SAAL1: variants seen among roughly 807,000 people sequenced by gnomAD.
SAAL1 encodes protein SAAL1.
Under a neutral mutation model 59.8 loss-of-function variants are expected in SAAL1, and 42 were observed. The observed-to-expected ratio is 0.70, with a 90% CI of 0.55 to 0.91. SAAL1 has a LOEUF of 0.91. SAAL1 is among the 40% of genes least tolerant of loss of function. The pLI is 0.00. For synonymous variants in SAAL1, 191 were observed against 194.3 expected (o/e 0.98, Z 0.14); for missense variants, 542 against 561.1 (o/e 0.97, Z 0.34).
At chr11:18,082,356 AAAGT>A (rs535726125) in intron 10 of SAAL1, among the ~76,000 whole-genome samples, 201 of 152,340 alleles carry the variant, frequency 1.3e-3, no homozygotes, top group Non-Finnish European at 2.6e-3. Flanking sequence ...AATGCAAATC[AAAGT>A]AAGACACAAT....
chr11:18,087,360 C>T lies in SAAL1; in HGVS notation c.771-135G>A, dbSNP rs570795190. On this transcript the variant is annotated intron_variant, in intron 7 of 11. Coordinates refer to ENST00000524803, the MANE Select transcript of SAAL1 (RefSeq NM_138421.3). ...GCTGAGGATAAAACAAGGAAAGGAACGAAGTCTCTGTGTTCGTTAGAGCTT... is the reference window on the plus strand; with the variant it reads ...GCTGAGGATAAAACAAGGAAAGGAATGAAGTCTCTGTGTTCGTTAGAGCTT... 4.5e-5 allele frequency: 26 copies of T among 575,390 alleles called. No individual in the cohort carries two copies. In the East Asian group the frequency reaches 4.5e-4, roughly 10 times the overall value. The allele number at this position is 575,390 out of a possible 1,614,324, so 35.6% of individuals were successfully genotyped here.
In SAAL1 at chr11:18,103,338, G is replaced by A. The variant is rs373896935; in HGVS notation, c.144C>T (p.Ser48=). The change falls in exon 2 of 12, where the codon AGC becomes AGT. Residue 48 remains serine (S), a synonymous_variant. Transcript: ENST00000524803. ...GVLSGLIQIV[S]PENTKSSSDD... is the part of the protein sequence containing the mutation. ...CTGAGCTAGATTTGGTGTTTTCAGGGCTAACAATCTTCAGAAACACAAAGA... is the reference window on the plus strand; with the variant it reads ...CTGAGCTAGATTTGGTGTTTTCAGGACTAACAATCTTCAGAAACACAAAGA... 3.7e-6 allele frequency: 6 copies of A among 1,610,838 alleles called. No homozygotes were observed. The African/African-American group carries it at 8.0e-5, about 22-fold the overall frequency.
Position 18,103,290 on chromosome 11 carries a change from C to CTCCG in SAAL1, c.188_191dup (p.Glu64AspfsTer4). ...TTTCATTCTCCATTTCTTCATCAAG[C>CTCCG]TCCGTCAGCTGCTCCTCATCATCTG... is the stretch of plus-strand genomic sequence containing the variant. On this transcript the variant is annotated frameshift_variant, in exon 2 of 12. Transcript: ENST00000524803. LOFTEE classifies it high-confidence loss of function. 6.2e-7 allele frequency: 1 copy of CTCCG among 1,614,010 alleles called. No homozygotes were observed. The highest frequency in any genetic ancestry group is 8.5e-7 in the Non-Finnish European group (1 of 1,180,010).
At chr11:18,105,330 G>A (rs538015669) in intron 1 of SAAL1, among the ~76,000 whole-genome samples, 1 of 146,570 alleles carries the variant, frequency 6.8e-6, no homozygotes, top group South Asian at 2.1e-4. Context: ...CGTCACGACC[G>A]GCTTTTTTTT....
intron 11 of SAAL1, among the ~76,000 whole-genome samples, chr11:18,080,776 T>C (rs1312456225): frequency 6.6e-6 from 1 of 152,200 alleles, no homozygotes; most frequent in African/African-American, 2.4e-5. Context: ...AAAGTTCCTA[T>C]TTTGAAATCT....
At position 18,102,571 on chromosome 11, in the gene SAAL1, C is replaced by T. The variant is rs757829939; in HGVS notation, c.249+662G>A. ...TGTATTTCCGGAAAAAAAGGTAACA[C>T]GGGTGGCAATGTAGAGGACAGAAGG... is the stretch of plus-strand genomic sequence containing the variant. On this transcript the variant is annotated intron_variant, in intron 2 of 11. Coordinates refer to ENST00000524803, the MANE Select transcript of SAAL1 (RefSeq NM_138421.3). Among the ~76,000 whole-genome samples the T allele has an allele frequency of 2.7e-4, 41 of 151,282 alleles. 1 individual carries two copies. Among genetic ancestry groups the T allele is most frequent in the Non-Finnish European group, 1.0e-4 (7 of 67,958 alleles).
rs1305056514 is a variant in SAAL1, at chr11:18,087,201, A to T, written c.795T>A (p.Asp265Glu). 6.2e-7 allele frequency: 1 copy of T among 1,612,878 alleles called. No homozygotes were observed. Among genetic ancestry groups the T allele is most frequent in the Non-Finnish European group, 8.5e-7 (1 of 1,179,000 alleles). ...QVRSENPEWLDVYMHILQLLT... is the reference protein window; with the variant it reads ...QVRSENPEWLEVYMHILQLLT... ...GCAGTTGTAAAATGTGCATGTAAAC[A>T]TCAAGCCATTCTGGATTTTCAGAAC... The change falls in exon 8 of 12, where the codon GAT (aspartate) becomes GAA (glutamate). Residue 265 changes from aspartate to glutamate, a missense_variant. Physicochemically the swap from Asp to Glu is conservative, Grantham distance 45 (BLOSUM62 2). Coordinates refer to ENST00000524803, the MANE Select transcript of SAAL1 (RefSeq NM_138421.3).
chr11:18,087,029 G>C lies in SAAL1; in HGVS notation c.879C>G (p.Asp293Glu). 6.2e-7 allele frequency: 1 copy of C among 1,613,710 alleles called. No homozygotes were observed. Among genetic ancestry groups the C allele is most frequent in the Non-Finnish European group, 8.5e-7 (1 of 1,179,652 alleles). ...CCAGGTCAAAAAGTAAATTCCAAATGTCTTTTCCAGTGTCAGGACAATGTA... is the reference window on the plus strand; with the variant it reads ...CCAGGTCAAAAAGTAAATTCCAAATCTCTTTTCCAGTGTCAGGACAATGTA... Reference protein sequence around the residue: ...AIVHCPDTGKDIWNLLFDLVC... With the variant: ...AIVHCPDTGKEIWNLLFDLVC... Residue 293 changes from aspartate to glutamate, a missense_variant, in exon 9 of 12, where the codon GAC becomes GAG. Coordinates refer to ENST00000524803, the MANE Select transcript of SAAL1 (RefSeq NM_138421.3).
chr11:18,090,344 G>C (rs1262129374), intron 5 of SAAL1, 54 bp from the exon 6 acceptor site: 2 of 1,478,746 alleles, frequency 1.4e-6, no homozygotes, highest in South Asian at 2.5e-5. Flanking sequence ...AAAAAAAACA[G>C]TAAAGGAAAT....
chr11:18,103,033 A>G (rs940903185), intron 2 of SAAL1, among the ~76,000 whole-genome samples, 200 bp downstream of exon 2: 6 of 152,192 alleles, frequency 3.9e-5, no homozygotes, highest in Non-Finnish European at 2.9e-5. Context: ...GAATCTGTTG[A>G]GAGCTCAAAT....
At chr11:18,099,770 G>A (rs1265035318) in intron 2 of SAAL1, among the ~76,000 whole-genome samples, 1 of 152,240 alleles carries the variant, frequency 6.6e-6, no homozygotes, top group Admixed American at 6.5e-5. Context: ...CCAGCTGGAA[G>A]CCATTCTAAG....
chr11:18,103,467 T>C, intron 1 of SAAL1, 121 bp from the exon 2 acceptor site: 1 of 762,470 alleles, frequency 1.3e-6, no homozygotes, highest in Non-Finnish European at 2.2e-6. Context: ...AAAAATTTGA[T>C]TCCTGGCCAG....
chr11:18,097,867 G>A, intron 2 of SAAL1, among the ~76,000 whole-genome samples: 1 of 122,980 alleles, frequency 8.1e-6, no homozygotes, highest in East Asian at 2.0e-4. Flanking sequence ...AAACTTGGCT[G>A]GGCGAGGTGG....
rs1425097744 is a variant in SAAL1 at position 18,083,680 on chromosome 11, T to C, written c.1094A>G (p.Gln365Arg). ...CGAGTTCTCTGGTTTTTTCTGACAC[T>C]GTTCCATATTTTGTAAGACCCGAAT... ...SLIRVLQNME[Q>R]CQKKPENSAE... Residue 365 changes from glutamine (Q) to arginine (R), a missense_variant, in exon 10 of 12, where the codon CAG (glutamine) becomes CGG (arginine). Physicochemically the swap from Gln to Arg is conservative, Grantham distance 43. Transcript: ENST00000524803. 6.2e-7 allele frequency: 1 copy of C among 1,611,670 alleles called. No homozygotes were observed. Among genetic ancestry groups the C allele is most frequent in the Non-Finnish European group, 8.5e-7 (1 of 1,178,744 alleles).
At chr11:18,087,282 A>G in intron 7 of SAAL1, 57 bp from the exon 8 acceptor site, 3 of 1,040,330 alleles carry the variant, frequency 2.9e-6, no homozygotes, top group Non-Finnish European at 4.5e-6. Context: ...GGGGATTCCA[A>G]TCATTCCTCC....
chr11:18,092,245 C>T lies in SAAL1; in HGVS notation c.413G>A (p.Gly138Glu). The T allele has an allele frequency of 6.5e-7, 1 of 1,528,798 alleles. No homozygotes were observed. The highest frequency in any genetic ancestry group is 9.0e-7 in the Non-Finnish European group (1 of 1,106,732). 94.7% of individuals were successfully genotyped at this position (1,528,798 alleles called of 1,614,324 possible). The change falls in exon 4 of 12, where the codon GGG (glycine) becomes GAG (glutamate). Residue 138 changes from glycine (G) to glutamate (E), a missense_variant and splice_region_variant. By Grantham distance (98) the Gly-to-Glu change is moderately conservative. Coordinates refer to ENST00000524803, the MANE Select transcript of SAAL1 (RefSeq NM_138421.3). ...AACATAATTATATAGTAAGACTTAC[C>T]CAAGATTTTTATCACTGCTGATGGA... is the stretch of plus-strand genomic sequence containing the variant. The part of the protein sequence containing the change: ...CVSISSDKNL[G>E]QVLLHCLYDS...
chr11:18,091,041 C>T (rs1848518888), intron 4 of SAAL1: 1 of 152,262 alleles, frequency 6.6e-6, no homozygotes, highest in South Asian at 2.1e-4. Context: ...GCAGAGCACT[C>T]CATTGTGTGA....
intron 9 of SAAL1, among the ~76,000 whole-genome samples, chr11:18,086,488 C>G (rs1035104303): frequency 1.3e-5 from 2 of 152,100 alleles, no homozygotes; most frequent in African/African-American, 4.8e-5. Flanking sequence ...CACCTGAGGT[C>G]GGGAGTTCGA....
intron 1 of SAAL1, 89 bp downstream of exon 1, chr11:18,105,818 G>A (rs1212357388): frequency 1.4e-6 from 2 of 1,425,318 alleles, no homozygotes; most frequent in African/African-American, 2.9e-5. Flanking sequence ...TGGGGATGGC[G>A]GCTCCCGGGG....
Sources: gnomAD v4.1 joint callset for allele counts (sites outside exome capture counted in the v4.1 genomes callset) on GRCh38, gnomAD v4.1.1 for gene constraint, MANE v1.5 for transcripts, NCBI Gene and HGNC (gene_info 2026-07-23, HGNC 2026-07-21) for gene names.